RNF149: variants seen among roughly 807,000 people sequenced by gnomAD.
RNF149 encodes the protein E3 ubiquitin-protein ligase RNF149.
In RNF149, 21 loss-of-function variants were observed where a neutral mutation model predicts 39.0. That is an observed-to-expected ratio of 0.54 (90% CI 0.38 to 0.77). The LOEUF is 0.77. RNF149 is among the 30% of genes least tolerant of loss of function. The pLI is 0.00. For synonymous variants in RNF149, 209 were observed against 213.6 expected, an observed-to-expected ratio of 0.98 and a Z score of 0.19; for missense variants, 493 against 534.9, an observed-to-expected ratio of 0.92 and a Z score of 0.77.
At chr2:101,299,914 C>T (rs1032463579) in intron 1 of RNF149, among the ~76,000 whole-genome samples, 2 of 152,220 alleles carry the variant, frequency 1.3e-5, no homozygotes, top group African/African-American at 2.4e-5. Context: ...CTTCCCCATC[C>T]GCCTTCATAG....
At chr2:101,272,846 T>G, downstream of RNF149, 1 of 843,366 alleles carries the variant, frequency 1.2e-6, no homozygotes, top group Non-Finnish European at 1.7e-6. Context: ...AATCACCTAT[T>G]CCTGAAGGTC....
At chr2:101,278,072 G>A (rs1310578759) in intron 6 of RNF149, among the ~76,000 whole-genome samples, 1 of 152,124 alleles carries the variant, frequency 6.6e-6, no homozygotes, top group Non-Finnish European at 1.5e-5. Flanking sequence ...CACACAAAAG[G>A]CTCTTAGAAT....
rs918285865 is a variant in RNF149 at position 101,296,979 on chromosome 2, C to T, written c.461-1798G>A. Among the ~76,000 whole-genome samples the T allele has an allele frequency of 2.2e-4, 33 of 152,196 alleles. No individual in the cohort carries two copies. The Middle Eastern group carries it at 0.01, about 47-fold the overall frequency. On this transcript the variant is annotated intron_variant, in intron 1 of 6. Coordinates refer to ENST00000295317, the MANE Select transcript of RNF149 (RefSeq NM_173647.4). ...ATCCCAGCACTTTGGGAGGCTGAGG[C>T]GGGCGGATCACCTGAGGTCAGGAGT...
chr2:101,296,296 A>G (rs1476309992), intron 1 of RNF149, among the ~76,000 whole-genome samples: 1 of 152,190 alleles, frequency 6.6e-6, no homozygotes, highest in Admixed American at 6.5e-5. Context: ...AGAGACATAG[A>G]AAAGAAGGGC....
chr2:101,302,235 T>C (rs1189967941), intron 1 of RNF149, among the ~76,000 whole-genome samples: 1 of 152,148 alleles, frequency 6.6e-6, no homozygotes, highest in Admixed American at 6.5e-5. Context: ...TGACGGCCCA[T>C]AAAAAGGCTG....
intron 4 of RNF149, among the ~76,000 whole-genome samples, chr2:101,287,491 G>A (rs553798660): frequency 6.6e-6 from 1 of 152,368 alleles, no homozygotes; most frequent in South Asian, 2.1e-4. Flanking sequence ...ACCTGTGTTT[G>A]AGGGTCAGGT....
chr2:101,303,330 T>C (rs1437222734), intron 1 of RNF149, among the ~76,000 whole-genome samples: 1 of 151,698 alleles, frequency 6.6e-6, no homozygotes, highest in Non-Finnish European at 1.5e-5. Flanking sequence ...TTTTGCCATG[T>C]TGGCCAGGCC....
At position 101,277,062 on chromosome 2, in the gene RNF149, G is replaced by A. The variant is rs948282958; in HGVS notation, c.*176C>T. 38 of 1,372,744 alleles carry A rather than the reference G, an allele frequency of 2.8e-5. No individual in the cohort carries two copies. Among genetic ancestry groups the A allele is most frequent in the Non-Finnish European group, 3.3e-5 (35 of 1,048,766 alleles). The allele number at this position is 1,372,744 out of a possible 1,614,324, so 85.0% of individuals were successfully genotyped here. Reference sequence around the variant, plus strand: ...GTAGATAAATATATGAGGACTAATCGAAAAGTCTCTTCAAGAAGAAAATAT... The same window carrying A: ...GTAGATAAATATATGAGGACTAATCAAAAAGTCTCTTCAAGAAGAAAATAT... On this transcript the variant is annotated 3_prime_UTR_variant, in exon 7 of 7. Coordinates refer to ENST00000295317, the MANE Select transcript of RNF149 (RefSeq NM_173647.4).
In RNF149 at chr2:101,308,241, C is replaced by T. The variant is rs372097171; in HGVS notation, c.348G>A (p.Gly116=). 2.7e-5 allele frequency: 43 copies of T among 1,598,908 alleles called. No homozygotes were observed. The African/African-American group carries it at 5.6e-4, about 21-fold the overall frequency. Residue 116 remains glycine, a synonymous_variant, in exon 1 of 7, where the codon GGG becomes GGA. Transcript: ENST00000295317. ...AAPWVALVAR[G]GCTFKDKVLV... is the part of the protein sequence containing the mutation. ...GCACCTTGTCCTTGAAGGTGCAGCC[C>T]CCACGAGCCACCAGGGCGACCCAGG...
rs377630552 is a variant in RNF149, at chr2:101,276,404, A to G, written c.*834T>C. ...AGAAAACTGGTTATTTCGAGTCAAC[A>G]ACAAAAACTAAAATTCTACATCTTT... On this transcript the variant is annotated 3_prime_UTR_variant, in exon 7 of 7. Transcript: ENST00000295317. The G allele has an allele frequency of 1.0e-6, 1 of 985,908 alleles. No homozygotes were observed. Among genetic ancestry groups the G allele is most frequent in the African/African-American group, 1.7e-5 (1 of 57,382 alleles). The allele number at this position is 985,908 out of a possible 1,614,324, so 61.1% of individuals were successfully genotyped here. A position where few individuals can be genotyped will look rare whatever the true frequency, so the allele number is the denominator to read the frequency against.
chr2:101,301,287 A>AG lies in RNF149; in HGVS notation c.461-6107_461-6106insC, dbSNP rs1573260321. Among the ~76,000 whole-genome samples, 3 of 151,926 alleles carry AG rather than the reference A, an allele frequency of 2.0e-5. No individual in the cohort carries two copies. The East Asian group carries it at 5.8e-4, about 29-fold the overall frequency. On this transcript the variant is annotated intron_variant, in intron 1 of 6. Transcript: ENST00000295317. ...CACAATATCTTTGCACATAGTACATAATCATAAATCTACTTGCTGAACAAT... is the reference window on the plus strand; with the variant it reads ...CACAATATCTTTGCACATAGTACATAGATCATAAATCTACTTGCTGAACAAT...
chr2:101,298,367 G>A (rs1251072749), intron 1 of RNF149, among the ~76,000 whole-genome samples: 4 of 152,190 alleles, frequency 2.6e-5, no homozygotes, highest in Non-Finnish European at 5.9e-5. Flanking sequence ...AGAGGTTGCA[G>A]TGAGCTGAGA....
chr2:101,299,803 T>TGA (rs1273878820), intron 1 of RNF149, among the ~76,000 whole-genome samples: 1 of 152,234 alleles, frequency 6.6e-6, no homozygotes, highest in African/African-American at 2.4e-5. Context: ...ACTATCATTC[T>TGA]ACAGCTGAGT....
intron 5 of RNF149, among the ~76,000 whole-genome samples, chr2:101,284,546 A>T (rs980264524): frequency 5.3e-5 from 8 of 152,038 alleles, no homozygotes; most frequent in Non-Finnish European, 1.2e-4. Flanking sequence ...ACGCCATTGA[A>T]CTCCAGCCTC....
intron 1 of RNF149, among the ~76,000 whole-genome samples, chr2:101,307,612 TACTG>T (rs2104446125): frequency 6.6e-6 from 1 of 152,326 alleles, no homozygotes; most frequent in East Asian, 1.9e-4. Context: ...GGTCAAGGCT[TACTG>T]ACTCAGTCAG....
intron 4 of RNF149, among the ~76,000 whole-genome samples, chr2:101,287,120 G>A (rs2104400963): frequency 6.6e-6 from 1 of 152,216 alleles, no homozygotes; most frequent in East Asian, 1.9e-4. Context: ...TCAGGAGTTC[G>A]AGACCAGCCT....
chr2:101,283,506 G>A (rs1323638158), intron 5 of RNF149, among the ~76,000 whole-genome samples: 1 of 152,176 alleles, frequency 6.6e-6, no homozygotes, highest in African/African-American at 2.4e-5. Flanking sequence ...TGGGGAAATA[G>A]AAAACTAGTT....
downstream of RNF149, among the ~76,000 whole-genome samples, chr2:101,275,111 GTT>G (rs1165388203): frequency 2.0e-5 from 1 of 51,056 alleles, no homozygotes; most frequent in Admixed American, 3.5e-4. Context: ...TAGTATTTCT[GTT>G]TTTTTTTTTT....
At chr2:101,293,046 A>C (rs1683081195) in intron 3 of RNF149, among the ~76,000 whole-genome samples, 2 of 150,122 alleles carry the variant, frequency 1.3e-5, no homozygotes, top group South Asian at 4.2e-4. Flanking sequence ...TGCACAAACT[A>C]TCAAAATTGA....
Sources: allele counts gnomAD v4.1 joint callset (sites outside exome capture counted in the v4.1 genomes callset), GRCh38; gene constraint gnomAD v4.1.1; transcripts MANE v1.5; gene names NCBI Gene and HGNC (gene_info 2026-07-23, HGNC 2026-07-21).